The following MPHOSPH8 variants were observed in gnomAD, a reference collection of about 807,000 sequenced individuals.
MPHOSPH8 encodes the protein M-phase phosphoprotein, mpp.
Under a neutral mutation model 87.3 loss-of-function variants are expected in MPHOSPH8, and 45 were observed. The ratio of observed to expected loss-of-function variants is 0.52; its 90% confidence interval spans 0.41 to 0.66. The LOEUF (loss-of-function observed/expected upper bound fraction) is 0.66, where lower values mean the gene tolerates loss of function less well. MPHOSPH8 is among the 30% of genes least tolerant of loss of function. MPHOSPH8 has a pLI of 0.00. For missense variants in MPHOSPH8, 883 were observed against 1,020.2 expected (o/e 0.87, Z 1.83); for synonymous variants, 366 against 376.9 (o/e 0.97, Z 0.33).
chr13:19,668,790 T>G (rs1016467288), intron 11 of MPHOSPH8, among the ~76,000 whole-genome samples: 1 of 149,510 alleles, frequency 6.7e-6, no homozygotes, highest in African/African-American at 2.5e-5. Context: ...TTATTAAAAT[T>G]CAGCGTCAAG....
intron 2 of MPHOSPH8, among the ~76,000 whole-genome samples, chr13:19,644,545 G>A (rs1283821844): frequency 6.6e-6 from 1 of 152,110 alleles, no homozygotes; most frequent in Non-Finnish European, 1.5e-5. Context: ...GTCATTTTTG[G>A]TTATCTGAAG....
At chr13:19,666,819 T>G (rs1228115280) in intron 10 of MPHOSPH8, among the ~76,000 whole-genome samples, 1 of 152,240 alleles carries the variant, frequency 6.6e-6, no homozygotes, top group Non-Finnish European at 1.5e-5. Context: ...AGTATTTTCC[T>G]TAAATATTAA....
chr13:19,662,364 A>G (rs759004381), intron 8 of MPHOSPH8, among the ~76,000 whole-genome samples: 13 of 151,900 alleles, frequency 8.6e-5, no homozygotes, highest in Non-Finnish European at 1.6e-4. Context: ...GACTCAAGCA[A>G]TCCTCTCGCC....
chr13:19,647,677 A>G (rs456229), intron 3 of MPHOSPH8, among the ~76,000 whole-genome samples: 11 of 152,312 alleles, frequency 7.2e-5, no homozygotes, highest in Non-Finnish European at 1.6e-4. Context: ...AACTACATTA[A>G]CCAGTATTTT....
chr13:19,668,601 A>C (rs1269698980), intron 11 of MPHOSPH8, 70 bp downstream of exon 11: 8 of 1,464,282 alleles, frequency 5.5e-6, no homozygotes, highest in African/African-American at 1.4e-5. Flanking sequence ...TTTTAGACAG[A>C]ATCCTTTCTT....
intron 1 of MPHOSPH8, among the ~76,000 whole-genome samples, chr13:19,640,522 T>C (rs1011192187): frequency 2.0e-5 from 3 of 152,112 alleles, no homozygotes; most frequent in African/African-American, 7.2e-5. Flanking sequence ...GCAGTGTGTT[T>C]TAATCTTTAA....
intron 1 of MPHOSPH8, among the ~76,000 whole-genome samples, chr13:19,634,290 G>A (rs1173922009): frequency 1.3e-5 from 2 of 152,188 alleles, no homozygotes; most frequent in Non-Finnish European, 2.9e-5. Context: ...TGATAGTGAA[G>A]TAATGCTTCT....
At chr13:19,644,625 A>G (rs898612544) in intron 2 of MPHOSPH8, among the ~76,000 whole-genome samples, 5 of 152,252 alleles carry the variant, frequency 3.3e-5, no homozygotes, top group Non-Finnish European at 7.3e-5. Context: ...GCAGAGGTGC[A>G]TGCAAGAGTT....
chr13:19,660,299 A>C (rs867767168), intron 7 of MPHOSPH8, among the ~76,000 whole-genome samples: 1 of 151,410 alleles, frequency 6.6e-6, no homozygotes, highest in Admixed American at 6.6e-5. Flanking sequence ...AAGCATATTG[A>C]CCCTTTCTCC....
chr13:19,634,094 C>A (rs1873863464), intron 1 of MPHOSPH8, 133 bp downstream of exon 1: 3 of 926,760 alleles, frequency 3.2e-6, no homozygotes, highest in African/African-American at 3.3e-5. Context: ...TGCAAGCACG[C>A]GAAATCGTGG....
rs558634069 is a variant in MPHOSPH8, at chr13:19,662,916, G to C, written c.1933-124G>C. 27 of 809,794 alleles carry C rather than the reference G, an allele frequency of 3.3e-5. No individual in the cohort carries two copies. The East Asian group carries it at 7.1e-4, about 21-fold the overall frequency. 50.2% of individuals were successfully genotyped at this position (809,794 alleles called of 1,614,324 possible). On this transcript the variant is annotated intron_variant, in intron 8 of 13. Coordinates refer to ENST00000361479, the MANE Select transcript of MPHOSPH8 (RefSeq NM_017520.4). ...CCCGTGGCCCCACGGGAATGCTGCAGCCCGCAACCACTTGTGATAGAACCT... is the reference window on the plus strand; with the variant it reads ...CCCGTGGCCCCACGGGAATGCTGCACCCCGCAACCACTTGTGATAGAACCT...
At chr13:19,661,917 G>A in intron 8 of MPHOSPH8, 79 bp downstream of exon 8, 1 of 1,419,552 alleles carries the variant, frequency 7.0e-7, no homozygotes, top group Non-Finnish European at 9.4e-7. Context: ...CTTTGGTAGT[G>A]AAATATAGCA....
At chr13:19,655,796 A>G (rs536389980) in intron 5 of MPHOSPH8, among the ~76,000 whole-genome samples, 10 of 152,340 alleles carry the variant, frequency 6.6e-5, no homozygotes, top group Admixed American at 3.9e-4. Flanking sequence ...TAAAAAAGCC[A>G]TAGGCATTGG....
intron 3 of MPHOSPH8, 53 bp from the exon 4 acceptor site, chr13:19,648,369 T>G: frequency 8.5e-7 from 1 of 1,176,864 alleles, no homozygotes. Context: ...TCAAATAAAT[T>G]TACAGTGTCA....
Sources: gnomAD v4.1 joint callset for allele counts (sites outside exome capture counted in the v4.1 genomes callset) on GRCh38, gnomAD v4.1.1 for gene constraint, MANE v1.5 for transcripts, NCBI Gene and HGNC (gene_info 2026-07-23, HGNC 2026-07-21) for gene names.